Variants in PRKCB observed in about 807,000 individuals in gnomAD.
PRKCB encodes protein kinase C beta type.
Under a neutral mutation model 81.5 loss-of-function variants are expected in PRKCB, and 13 were observed. That is an observed-to-expected ratio of 0.16 (90% confidence interval 0.10 to 0.25). The LOEUF (loss-of-function observed/expected upper bound fraction) is 0.25, where lower values mean the gene tolerates loss of function less well. Ranked by LOEUF, PRKCB falls within the 10% of genes least tolerant of loss-of-function variation. The pLI, the probability that PRKCB is intolerant of heterozygous loss-of-function variation, is 1.00. For missense variants in PRKCB, 509 were observed against 875.7 expected (o/e 0.58, Z 5.29); for synonymous variants, 335 against 321.4 (o/e 1.04, Z -0.45).
At chr16:24,047,816 T>C (rs1200733237) in intron 5 of PRKCB, among the ~76,000 whole-genome samples, 1 of 152,178 alleles carries the variant, frequency 6.6e-6, no homozygotes, top group Non-Finnish European at 1.5e-5. Context: ...CTTAAGGTCT[T>C]GGAGAAGACC....
intron 2 of PRKCB, among the ~76,000 whole-genome samples, chr16:23,887,767 C>T (rs74901434): frequency 0.014 from 2,085 of 152,328 alleles, 43 homozygotes; most frequent in African/African-American, 0.047. Flanking sequence ...TTTGAGAAGT[C>T]TCTAAACTGC....
chr16:24,052,727 C>G (rs757877292), intron 5 of PRKCB, among the ~76,000 whole-genome samples: 1 of 152,182 alleles, frequency 6.6e-6, no homozygotes, highest in African/African-American at 2.4e-5. Flanking sequence ...GCAGCAAAGA[C>G]GACCAGACGT....
At chr16:24,127,302 G>A (rs922243493) in intron 9 of PRKCB, among the ~76,000 whole-genome samples, 1 of 151,960 alleles carries the variant, frequency 6.6e-6, no homozygotes, top group Non-Finnish European at 1.5e-5. Context: ...CACCACGCCC[G>A]GCCATGATAT....
At chr16:23,882,010 CTTTCTTTCTTT>C in intron 2 of PRKCB, among the ~76,000 whole-genome samples, 38 of 103,854 alleles carry the variant, frequency 3.7e-4, no homozygotes, top group Admixed American at 1.2e-3. Context: ...TTCTTTCTTT[CTTTCTTTCTTT>C]CTTCCTTCCT....
At position 24,180,981 on chromosome 16, in the gene PRKCB, C is replaced by T. The variant is rs1967612552; in HGVS notation, c.1533+53C>T. The T allele has an allele frequency of 8.2e-6, 13 of 1,594,204 alleles. No individual in the cohort carries two copies. The South Asian group carries it at 1.5e-4, about 18-fold the overall frequency. On this transcript the variant is annotated intron_variant, in intron 13 of 16. Transcript: ENST00000643927. Reference sequence around the variant, plus strand: ...TTGCGGTGATGTACCCTCTGCTCCCCAGATGGCTGTGTGAGAGCTGGGAAG... The same window carrying T: ...TTGCGGTGATGTACCCTCTGCTCCCTAGATGGCTGTGTGAGAGCTGGGAAG...
At chr16:24,128,375 A>AAACAGC (rs112010362) in intron 9 of PRKCB, among the ~76,000 whole-genome samples, 157 of 152,050 alleles carry the variant, frequency 1.0e-3, no homozygotes, top group African/African-American at 3.6e-3. Context: ...ACACTGTCTC[A>AAACAGC]AACAACAACA....
chr16:24,009,591 A>T (rs1037319095), intron 3 of PRKCB, among the ~76,000 whole-genome samples: 1 of 148,130 alleles, frequency 6.8e-6, no homozygotes, highest in Non-Finnish European at 1.5e-5. Flanking sequence ...CGCCCGGCCT[A>T]TTTTTTTTTT....
At chr16:24,111,250 C>G (rs779930762) in intron 7 of PRKCB, 2 of 152,148 alleles carry the variant, frequency 1.3e-5, no homozygotes, top group African/African-American at 4.8e-5. Context: ...TTTGAATCAC[C>G]TAGCCCATTT....
intron 2 of PRKCB, among the ~76,000 whole-genome samples, chr16:23,962,394 A>G (rs1418120787): frequency 6.6e-6 from 1 of 152,166 alleles, no homozygotes; most frequent in Non-Finnish European, 1.5e-5. Context: ...GATTCCTTGA[A>G]TGCACCTTTG....
intron 3 of PRKCB, among the ~76,000 whole-genome samples, chr16:23,999,548 G>A (rs1356193524): frequency 2.0e-5 from 3 of 152,328 alleles, no homozygotes; most frequent in Non-Finnish European, 4.4e-5. Context: ...GCCACAAAGT[G>A]TGGCAGAGTT....
rs562514085 is a variant in PRKCB, at chr16:23,844,887, C to T, written c.205+7481C>T. ...TACGATCTTGGTTCACTGTAACCTCCGCCTCCCAGGTTCAAGTGATTCTCC... is the reference window on the plus strand; with the variant it reads ...TACGATCTTGGTTCACTGTAACCTCTGCCTCCCAGGTTCAAGTGATTCTCC... On this transcript the variant is annotated intron_variant, in intron 2 of 16. Transcript: ENST00000643927. 1.3e-3 allele frequency among the ~76,000 whole-genome samples: 197 copies of T among 151,924 alleles called. 1 individual carries two copies. The highest frequency in any genetic ancestry group is 4.9e-3 in the Admixed American group (75 of 15,252).
At chr16:23,968,094 C>T (rs1163499894) in intron 2 of PRKCB, among the ~76,000 whole-genome samples, 1 of 152,172 alleles carries the variant, frequency 6.6e-6, no homozygotes, top group Admixed American at 6.5e-5. Flanking sequence ...TGCTTACTGG[C>T]CTGGCCTTTG....
chr16:24,172,215 T>G, intron 10 of PRKCB, 55 bp from the exon 11 acceptor site: 12 of 1,349,332 alleles, frequency 8.9e-6, no homozygotes, highest in Non-Finnish European at 1.3e-5. Context: ...CACTGTCCAT[T>G]TGGAGCCCCA....
chr16:24,067,973 A>C (rs1417287246), intron 5 of PRKCB, among the ~76,000 whole-genome samples: 1 of 147,844 alleles, frequency 6.8e-6, no homozygotes, highest in East Asian at 2.0e-4. Flanking sequence ...AGAGAGAGAG[A>C]GCTGAGGAAG....
chr16:24,215,752 A>G lies in PRKCB; in HGVS notation c.*936A>G. 2.0e-6 allele frequency: 2 copies of G among 985,884 alleles called. No homozygotes were observed. Among genetic ancestry groups the G allele is most frequent in the Non-Finnish European group, 2.4e-6 (2 of 829,932 alleles). The allele number at this position is 985,884 out of a possible 1,614,324, so 61.1% of individuals were successfully genotyped here. A position where few individuals can be genotyped will look rare whatever the true frequency, so the allele number is the denominator to read the frequency against. Reference sequence around the variant, plus strand: ...GACGACCTGCTTTGATTTAACCAAGAAGACGGCTGCGGAGCCTAGCAGACT... The same window carrying G: ...GACGACCTGCTTTGATTTAACCAAGGAGACGGCTGCGGAGCCTAGCAGACT... On this transcript the variant is annotated 3_prime_UTR_variant, in exon 17 of 17. Coordinates refer to ENST00000643927, the MANE Select transcript of PRKCB (RefSeq NM_002738.7).
At chr16:24,153,815 G>T (rs1304591439) in intron 9 of PRKCB, among the ~76,000 whole-genome samples, 3 of 152,188 alleles carry the variant, frequency 2.0e-5, no homozygotes, top group Non-Finnish European at 4.4e-5. Flanking sequence ...TAATTAATTT[G>T]CAAAATATTT....
chr16:23,865,283 G>A (rs1962751952), intron 2 of PRKCB, among the ~76,000 whole-genome samples: 1 of 150,096 alleles, frequency 6.7e-6, no homozygotes, highest in Non-Finnish European at 1.5e-5. Flanking sequence ...GTGTGTGTGT[G>A]TGTGTGTGTG....
chr16:24,130,831 A>C (rs1025801774), intron 9 of PRKCB, among the ~76,000 whole-genome samples: 1 of 152,200 alleles, frequency 6.6e-6, no homozygotes, highest in African/African-American at 2.4e-5. Flanking sequence ...TAGAGAAAAT[A>C]TAGCCACGTG....
intron 2 of PRKCB, among the ~76,000 whole-genome samples, chr16:23,949,120 AG>A (rs543364188): frequency 5.6e-4 from 86 of 152,258 alleles, no homozygotes; most frequent in Non-Finnish European, 9.3e-4. Flanking sequence ...GGTGAACACT[AG>A]AATGTTTACA....
Sources: gnomAD v4.1 joint callset for allele counts (sites outside exome capture counted in the v4.1 genomes callset) on GRCh38, gnomAD v4.1.1 for gene constraint, MANE v1.5 for transcripts, NCBI Gene and HGNC (gene_info 2026-07-23, HGNC 2026-07-21) for gene names.